Variants in FRMD4B observed in about 807,000 individuals in gnomAD.
FRMD4B encodes FERM domain-containing protein 4B.
In FRMD4B, 74 loss-of-function variants were observed where a neutral mutation model predicts 141.5. The ratio of observed to expected loss-of-function variants is 0.52; its 90% CI spans 0.43 to 0.63. The LOEUF is 0.63. Ranked by LOEUF, FRMD4B falls within the 30% of genes least tolerant of loss-of-function variation. FRMD4B has a pLI of 0.00. For missense variants in FRMD4B, 1,366 were observed against 1,253.4 expected (o/e 1.09, Z -1.36); for synonymous variants, 506 against 467.9 (o/e 1.08, Z -1.05).
chr3:69,420,807 G>T (rs1699567299), intron 2 of FRMD4B, among the ~76,000 whole-genome samples: 1 of 152,182 alleles, frequency 6.6e-6, no homozygotes, highest in Non-Finnish European at 1.5e-5. Context: ...GAAGCCAAAA[G>T]CCCTTTGGAA....
chr3:69,531,744 T>C (rs1701012208), intron 1 of FRMD4B, among the ~76,000 whole-genome samples: 2 of 152,208 alleles, frequency 1.3e-5, no homozygotes, highest in Admixed American at 1.3e-4. Context: ...CAAAGATCAG[T>C]TTCCAGTATG....
chr3:69,368,089 T>C, intron 1 of FRMD4B, among the ~76,000 whole-genome samples: 1 of 152,236 alleles, frequency 6.6e-6, no homozygotes, highest in East Asian at 1.9e-4. Context: ...GGCCTTTTTC[T>C]AAACTATAAT....
chr3:69,198,996 C>T (rs1484348084), intron 11 of FRMD4B: 43 of 483,262 alleles, frequency 8.9e-5, no homozygotes, highest in South Asian at 8.3e-4. Flanking sequence ...CTCGGCCGGG[C>T]GCGGTGGCTC....
rs921480669 is a variant in FRMD4B at position 69,414,631 on chromosome 3, G to C, written c.-1+18003C>G. Among the ~76,000 whole-genome samples the C allele has an allele frequency of 6.0e-4, 92 of 152,104 alleles. 2 individuals carry two copies. The highest frequency in any genetic ancestry group is 2.1e-3 in the African/African-American group (89 of 41,496). ...TGCTGTTTATTGCTCCAGGTGAGCA[G>C]TGCCATCAGGTTGACGTAAAGCACA... On this transcript the variant is annotated intron_variant, in intron 2 of 5. Coordinates refer to the FRMD4B transcript ENST00000459638.
intron 11 of FRMD4B, among the ~76,000 whole-genome samples, chr3:69,204,580 CAT>C (rs1406323599): frequency 1.3e-5 from 2 of 152,168 alleles, no homozygotes; most frequent in Admixed American, 6.5e-5. Context: ...AAAGATTACA[CAT>C]GATACATATA....
At chr3:69,504,040 G>T (rs1243899872) in intron 1 of FRMD4B, among the ~76,000 whole-genome samples, 1 of 152,132 alleles carries the variant, frequency 6.6e-6, no homozygotes, top group Non-Finnish European at 1.5e-5. Flanking sequence ...AACAAAAATT[G>T]TCCATACTCC....
In FRMD4B at chr3:69,224,704, G is replaced by C; in HGVS notation, c.582-14C>G. The C allele has an allele frequency of 7.5e-7, 1 of 1,339,414 alleles. No individual in the cohort carries two copies. The highest frequency in any genetic ancestry group is 1.1e-6 in the Non-Finnish European group (1 of 946,940). 83.0% of individuals were successfully genotyped at this position (1,339,414 alleles called of 1,614,324 possible). A position where few individuals can be genotyped will look rare whatever the true frequency, so the allele number is the denominator to read the frequency against. On this transcript the variant is annotated splice_polypyrimidine_tract_variant and intron_variant, in intron 7 of 22. Coordinates refer to ENST00000398540, the MANE Select transcript of FRMD4B (RefSeq NM_015123.3). ...GCATTTTCATCACTAAAAAGAAATGGAATATGGTAATGTCAGGTACTGTTA... is the reference window on the plus strand; with the variant it reads ...GCATTTTCATCACTAAAAAGAAATGCAATATGGTAATGTCAGGTACTGTTA...
At chr3:69,182,936 G>GA (rs1277178605) in intron 19 of FRMD4B, among the ~76,000 whole-genome samples, 15 of 151,930 alleles carry the variant, frequency 9.9e-5, no homozygotes, top group African/African-American at 3.4e-4. Context: ...AATATGTAGG[G>GA]AAAAAAAGGA....
rs146118208 is a variant in FRMD4B, at chr3:69,532,660, G to A, written c.-129+9546C>T. On this transcript the variant is annotated intron_variant, in intron 1 of 5. Transcript: ENST00000459638. ...CTTTATCTGACAGAACTCGGGTTGA[G>A]TATTACACTTGGATGAAGCAGGGCC... Among the ~76,000 whole-genome samples, 331 of 152,300 alleles carry A rather than the reference G, an allele frequency of 2.2e-3. 2 individuals carry two copies. Among genetic ancestry groups the A allele is most frequent in the African/African-American group, 7.6e-3 (317 of 41,560 alleles).
At chr3:69,290,709 T>C (rs1025622992) in intron 4 of FRMD4B, among the ~76,000 whole-genome samples, 2 of 152,188 alleles carry the variant, frequency 1.3e-5, no homozygotes, top group Admixed American at 6.5e-5. Context: ...TGCTTCCCGA[T>C]TGTTCTCTCA....
At chr3:69,272,532 C>A (rs2093599109) in intron 5 of FRMD4B, among the ~76,000 whole-genome samples, 1 of 152,182 alleles carries the variant, frequency 6.6e-6, no homozygotes, top group Non-Finnish European at 1.5e-5. Context: ...TAAATTATTT[C>A]TAAATCTTGA....
chr3:69,248,416 A>G (rs1366857605), intron 7 of FRMD4B, among the ~76,000 whole-genome samples: 1 of 152,226 alleles, frequency 6.6e-6, no homozygotes, highest in African/African-American at 2.4e-5. Flanking sequence ...ACAACTCCGT[A>G]ACTGGAAGTT....
intron 1 of FRMD4B, among the ~76,000 whole-genome samples, chr3:69,499,655 G>C (rs1706459927): frequency 6.6e-6 from 1 of 152,140 alleles, no homozygotes; most frequent in African/African-American, 2.4e-5. Flanking sequence ...CTACTGAAGT[G>C]CTATCTTATT....
chr3:69,512,114 A>G (rs1706699239), intron 1 of FRMD4B, among the ~76,000 whole-genome samples: 1 of 152,206 alleles, frequency 6.6e-6, no homozygotes, highest in Non-Finnish European at 1.5e-5. Flanking sequence ...AGCAAGAGAG[A>G]GAAGAAGCTG....
At chr3:69,456,745 A>G (rs1344087877) in intron 1 of FRMD4B, among the ~76,000 whole-genome samples, 1 of 152,138 alleles carries the variant, frequency 6.6e-6, no homozygotes, top group Non-Finnish European at 1.5e-5. Context: ...AAAAAAAAAA[A>G]AAAAAGCATA....
At chr3:69,219,121 C>G (rs912889697) in intron 9 of FRMD4B, among the ~76,000 whole-genome samples, 57 of 148,134 alleles carry the variant, frequency 3.8e-4, no homozygotes, top group Non-Finnish European at 3.9e-4. Flanking sequence ...GCCGAGATTG[C>G]ACTATTGCAC....
intron 1 of FRMD4B, among the ~76,000 whole-genome samples, chr3:69,495,393 C>T (rs114932204): frequency 2.1e-3 from 319 of 152,330 alleles, no homozygotes; most frequent in Non-Finnish European, 3.7e-3. Context: ...AAAGAAAGAG[C>T]AATCTGTTGG....
intron 5 of FRMD4B, among the ~76,000 whole-genome samples, chr3:69,278,049 T>C (rs929223309): frequency 3.3e-5 from 5 of 151,058 alleles, no homozygotes; most frequent in African/African-American, 9.8e-5. Flanking sequence ...AGAGATGGAG[T>C]TTCACCATAT....
In FRMD4B at chr3:69,196,443, A is replaced by C. The variant is rs757086791; in HGVS notation, c.1093-47T>G. The C allele has an allele frequency of 7.9e-6, 11 of 1,390,830 alleles. No homozygotes were observed. In the Admixed American group the frequency reaches 2.1e-4, roughly 26 times the overall value. The allele number at this position is 1,390,830 out of a possible 1,614,324, so 86.2% of individuals were successfully genotyped here. A position where few individuals can be genotyped will look rare whatever the true frequency, so the allele number is the denominator to read the frequency against. On this transcript the variant is annotated intron_variant, in intron 13 of 22. Transcript: ENST00000398540. Reference sequence around the variant, plus strand: ...AACAGAATTAACTCAAACATACTTCAAATTAATGAAACAATTAAGTTAACA... The same window carrying C: ...AACAGAATTAACTCAAACATACTTCCAATTAATGAAACAATTAAGTTAACA...
Sources: gnomAD v4.1 joint callset for allele counts (sites outside exome capture counted in the v4.1 genomes callset) on GRCh38, gnomAD v4.1.1 for gene constraint, MANE v1.5 for transcripts, NCBI Gene and HGNC (gene_info 2026-07-23, HGNC 2026-07-21) for gene names.